Variants in IL1RAP observed in about 807,000 individuals in gnomAD.
IL1RAP encodes interleukin 1 receptor accessory protein.
In IL1RAP, 35 loss-of-function variants were observed where a neutral mutation model predicts 60.7. The ratio of observed to expected loss-of-function variants is 0.58; its 90% CI spans 0.44 to 0.76. The LOEUF (loss-of-function observed/expected upper bound fraction) is 0.76, where lower values mean the gene tolerates loss of function less well. Among genes scored for constraint, IL1RAP ranks in the 30% least tolerant of loss-of-function variants. The pLI, the probability that IL1RAP is intolerant of heterozygous loss-of-function variation, is 0.00. For missense variants in IL1RAP, 572 were observed against 693.9 expected, an observed-to-expected ratio of 0.82 and a Z score of 1.97; for synonymous variants, 268 against 250.9, an observed-to-expected ratio of 1.07 and a Z score of -0.64.
At chr3:190,611,773 G>A (rs1480266033) in intron 5 of IL1RAP, among the ~76,000 whole-genome samples, 1 of 151,992 alleles carries the variant, frequency 6.6e-6, no homozygotes, top group Non-Finnish European at 1.5e-5. Flanking sequence ...TGGTTTTTTT[G>A]TATGTGCTTT....
chr3:190,532,277 T>G (rs1370828816), intron 1 of IL1RAP, among the ~76,000 whole-genome samples: 2 of 150,830 alleles, frequency 1.3e-5, no homozygotes, highest in Non-Finnish European at 3.0e-5. Flanking sequence ...TTTTTTTTTT[T>G]TTTGAGATGG....
intron 5 of IL1RAP, 133 bp downstream of exon 5, chr3:190,609,314 A>ACCACCG: frequency 4.8e-5 from 28 of 586,710 alleles, no homozygotes; most frequent in Admixed American, 1.8e-4. Flanking sequence ...AGCTTTATGG[A>ACCACCG]AGTATTTCAG....
At chr3:190,526,861 G>T (rs1289542734) in intron 1 of IL1RAP, among the ~76,000 whole-genome samples, 1 of 152,218 alleles carries the variant, frequency 6.6e-6, no homozygotes, top group African/African-American at 2.4e-5. Flanking sequence ...TATAATCAGT[G>T]ATGTTAATTT....
chr3:190,651,364 T>G lies in IL1RAP; in HGVS notation c.*2659T>G. The G allele has an allele frequency of 3.5e-6, 3 of 851,190 alleles. No homozygotes were observed. Among genetic ancestry groups the G allele is most frequent in the Non-Finnish European group, 4.2e-6 (3 of 707,618 alleles). The allele number at this position is 851,190 out of a possible 1,614,324, so 52.7% of individuals were successfully genotyped here. ...TTCATTGTATTTGGAAACAAAAACA[T>G]CATTCATTAATTACTTATTTTCTTT... On this transcript the variant is annotated 3_prime_UTR_variant, in exon 12 of 12. Transcript: ENST00000447382.
chr3:190,644,894 T>C (rs1168082063), intron 10 of IL1RAP, among the ~76,000 whole-genome samples: 1 of 152,214 alleles, frequency 6.6e-6, no homozygotes, highest in Non-Finnish European at 1.5e-5. Context: ...GACTCGTGAC[T>C]CGTGGCTGCT....
intron 3 of IL1RAP, among the ~76,000 whole-genome samples, chr3:190,592,931 T>C (rs1263452937): frequency 6.6e-6 from 1 of 151,986 alleles, no homozygotes; most frequent in Non-Finnish European, 1.5e-5. Flanking sequence ...CCACTTCAAA[T>C]TGATATGAAA....
intron 5 of IL1RAP, among the ~76,000 whole-genome samples, chr3:190,611,400 A>G (rs1375197608): frequency 6.6e-6 from 1 of 152,202 alleles, no homozygotes; most frequent in African/African-American, 2.4e-5. Context: ...CATAAAATCC[A>G]GACTATGTGA....
At chr3:190,537,216 C>CT (rs139702737) in intron 1 of IL1RAP, among the ~76,000 whole-genome samples, 2,479 of 151,446 alleles carry the variant, frequency 0.016, 44 homozygotes, top group African/African-American at 0.033. Context: ...ATTTTCTCTT[C>CT]TTTTTTTTTA....
intron 4 of IL1RAP, among the ~76,000 whole-genome samples, 176 bp from the exon 5 acceptor site, chr3:190,608,819 C>CCG (rs1327433609): frequency 4.1e-4 from 30 of 73,566 alleles, no homozygotes; most frequent in African/African-American, 8.9e-4. Context: ...TTTTTTTATT[C>CCG]TGTGATGTCA....
chr3:190,627,082 C>T (rs2885372), intron 7 of IL1RAP, among the ~76,000 whole-genome samples: 136,984 of 152,198 alleles, frequency 0.9, 61,854 homozygotes, highest in East Asian at 1. Flanking sequence ...TATTTGGTTT[C>T]GCTTGTTTGT....
At chr3:190,547,436 C>CA (rs1022538690) in intron 1 of IL1RAP, among the ~76,000 whole-genome samples, 6 of 152,184 alleles carry the variant, frequency 3.9e-5, no homozygotes, top group African/African-American at 1.2e-4. Flanking sequence ...AACAGGGACA[C>CA]AGACTCACAC....
Position 190,522,339 on chromosome 3 carries a change from TTCCTCCCTCCC to T in IL1RAP, c.-89+8124_-89+8134del, listed in dbSNP as rs1328005420. 4.3e-3 allele frequency among the ~76,000 whole-genome samples: 645 copies of T among 148,556 alleles called. 5 individuals are homozygous for T. The highest frequency in any genetic ancestry group is 0.016 in the African/African-American group (624 of 38,694). ...CTTCCTTCCTTCCTTCCTTCCTTCC[TTCCTCCCTCCC>T]TCCCTTCGTTCCTCTTCCTTCCTTC... On this transcript the variant is annotated intron_variant, in intron 1 of 11. Transcript: ENST00000447382.
chr3:190,589,661 G>T (rs910267441), intron 3 of IL1RAP, among the ~76,000 whole-genome samples: 1 of 152,122 alleles, frequency 6.6e-6, no homozygotes, highest in Non-Finnish European at 1.5e-5. Flanking sequence ...GTAATTTTGC[G>T]TGGAATATTG....
chr3:190,528,586 G>A (rs1253610675), intron 1 of IL1RAP, among the ~76,000 whole-genome samples: 1 of 152,112 alleles, frequency 6.6e-6, no homozygotes, highest in Non-Finnish European at 1.5e-5. Flanking sequence ...ACTTCTGTAG[G>A]CAAGACACTG....
intron 1 of IL1RAP, among the ~76,000 whole-genome samples, chr3:190,532,669 C>T (rs544040735): frequency 4.9e-4 from 75 of 152,264 alleles, no homozygotes; most frequent in Non-Finnish European, 7.9e-4. Flanking sequence ...GGCTGTAAAG[C>T]TCATGATGAA....
intron 1 of IL1RAP, among the ~76,000 whole-genome samples, chr3:190,546,224 G>A (rs1224320800): frequency 6.6e-6 from 1 of 152,104 alleles, no homozygotes; most frequent in Non-Finnish European, 1.5e-5. Flanking sequence ...TTTCCTCTCT[G>A]TTCTATAGAT....
intron 4 of IL1RAP, among the ~76,000 whole-genome samples, chr3:190,607,949 G>A (rs1444459930): frequency 6.6e-6 from 1 of 152,084 alleles, no homozygotes; most frequent in Non-Finnish European, 1.5e-5. Flanking sequence ...TCCAGACATA[G>A]GATTGCTAGG....
At chr3:190,609,905 G>A (rs1730674231) in intron 5 of IL1RAP, among the ~76,000 whole-genome samples, 1 of 152,168 alleles carries the variant, frequency 6.6e-6, no homozygotes, top group South Asian at 2.1e-4. Flanking sequence ...TTGACAACAG[G>A]AGAACGCCAA....
intron 5 of IL1RAP, among the ~76,000 whole-genome samples, chr3:190,612,763 C>T (rs11917984): frequency 0.03 from 4,572 of 152,136 alleles, 201 homozygotes; most frequent in African/African-American, 0.1. Flanking sequence ...TTCACATTAT[C>T]ATAAAGTGGA....
Sources: gnomAD v4.1 joint callset for allele counts (sites outside exome capture counted in the v4.1 genomes callset) on GRCh38, gnomAD v4.1.1 for gene constraint, MANE v1.5 for transcripts, NCBI Gene and HGNC (gene_info 2026-07-23, HGNC 2026-07-21) for gene names.